GABRB1: variants seen among roughly 807,000 people sequenced by gnomAD.
The protein encoded by GABRB1 is gamma-aminobutyric acid receptor subunit beta-1.
In GABRB1, 17 loss-of-function variants were observed where a neutral mutation model predicts 51.6. The observed-to-expected ratio is 0.33, with a 90% CI of 0.23 to 0.49. The LOEUF (loss-of-function observed/expected upper bound fraction) is 0.49. Ranked by LOEUF, GABRB1 falls within the 20% of genes least tolerant of loss-of-function variation. The pLI is 0.99. For synonymous variants in GABRB1, 247 were observed against 218.9 expected (o/e 1.13, Z -1.14); for missense variants, 410 against 600.6 (o/e 0.68, Z 3.32).
At chr4:47,259,079 T>C (rs1369340248) in intron 4 of GABRB1, among the ~76,000 whole-genome samples, 1 of 152,110 alleles carries the variant, frequency 6.6e-6, no homozygotes, top group East Asian at 1.9e-4. Flanking sequence ...CCACCATTGA[T>C]GTGATCAATT....
At chr4:47,117,369 C>T (rs753972877) in intron 3 of GABRB1, among the ~76,000 whole-genome samples, 2 of 152,186 alleles carry the variant, frequency 1.3e-5, no homozygotes, top group Non-Finnish European at 2.9e-5. Flanking sequence ...TCTCTCTAAT[C>T]TGGATGCCTT....
At chr4:47,336,768 G>A (rs1432402189) in intron 5 of GABRB1, among the ~76,000 whole-genome samples, 1 of 152,176 alleles carries the variant, frequency 6.6e-6, no homozygotes, top group Non-Finnish European at 1.5e-5. Flanking sequence ...AAATGGAGTG[G>A]ATGGAAGCTA....
intron 4 of GABRB1, among the ~76,000 whole-genome samples, chr4:47,214,305 A>G (rs1455451883): frequency 1.3e-5 from 2 of 152,168 alleles, no homozygotes; most frequent in Non-Finnish European, 2.9e-5. Flanking sequence ...GTGCTCAATC[A>G]TTCCTCAGCC....
At chr4:47,333,267 T>A (rs1452052106) in intron 5 of GABRB1, among the ~76,000 whole-genome samples, 1 of 146,420 alleles carries the variant, frequency 6.8e-6, no homozygotes, top group Non-Finnish European at 1.5e-5. Context: ...ATGTGACCAA[T>A]AAACATTAAT....
intron 4 of GABRB1, among the ~76,000 whole-genome samples, chr4:47,286,873 A>G (rs1723530597): frequency 6.6e-6 from 1 of 152,228 alleles, no homozygotes; most frequent in African/African-American, 2.4e-5. Flanking sequence ...TTAATCATCA[A>G]TTGATAACTA....
chr4:47,181,071 T>A (rs1486091365), intron 4 of GABRB1, among the ~76,000 whole-genome samples: 2 of 152,130 alleles, frequency 1.3e-5, no homozygotes, highest in Admixed American at 1.3e-4. Flanking sequence ...AGATACTTTA[T>A]TAATTCTGGT....
At chr4:47,181,513 CCTGAGTT>C (rs1421512108) in intron 4 of GABRB1, among the ~76,000 whole-genome samples, 2 of 151,976 alleles carry the variant, frequency 1.3e-5, no homozygotes, top group Non-Finnish European at 2.9e-5. Context: ...GAGTTGGATG[CCTGAGTT>C]CTAATTCTCG....
intron 5 of GABRB1, among the ~76,000 whole-genome samples, chr4:47,343,616 G>C (rs1725982116): frequency 6.6e-6 from 1 of 152,130 alleles, no homozygotes; most frequent in Non-Finnish European, 1.5e-5. Context: ...CAGCTGTCCT[G>C]ATTGAGAGAA....
At chr4:47,281,837 A>G (rs546316660) in intron 4 of GABRB1, among the ~76,000 whole-genome samples, 7 of 152,214 alleles carry the variant, frequency 4.6e-5, no homozygotes, top group African/African-American at 7.2e-5. Flanking sequence ...TAAAAAATCA[A>G]TCTCATAGAG....
At chr4:47,217,010 A>G (rs1053481085) in intron 4 of GABRB1, among the ~76,000 whole-genome samples, 6 of 151,930 alleles carry the variant, frequency 3.9e-5, no homozygotes, top group Non-Finnish European at 8.8e-5. Context: ...ACAATACACT[A>G]TACTACTGAT....
intron 4 of GABRB1, among the ~76,000 whole-genome samples, chr4:47,317,457 A>C (rs73133964): frequency 0.068 from 10,310 of 152,060 alleles, 329 homozygotes; most frequent in Admixed American, 0.081. Context: ...GAGACTAAAA[A>C]AAAGAATGTT....
intron 4 of GABRB1, among the ~76,000 whole-genome samples, chr4:47,201,240 C>A (rs1293252314): frequency 6.6e-6 from 1 of 151,964 alleles, no homozygotes; most frequent in Non-Finnish European, 1.5e-5. Flanking sequence ...GGAATATACC[C>A]AACAGCATTT....
At chr4:47,089,172 C>T (rs1452785564) in intron 3 of GABRB1, among the ~76,000 whole-genome samples, 10 of 152,270 alleles carry the variant, frequency 6.6e-5, no homozygotes, top group Admixed American at 3.9e-4. Context: ...AAATGTTTTT[C>T]GTTTTGGGGA....
chr4:46,999,591 G>A (rs1724119153), intron 1 of GABRB1, among the ~76,000 whole-genome samples: 1 of 152,102 alleles, frequency 6.6e-6, no homozygotes, highest in African/African-American at 2.4e-5. Context: ...TATATCAGGA[G>A]TAAATGTATA....
At chr4:47,250,337 T>A (rs897245047) in intron 4 of GABRB1, among the ~76,000 whole-genome samples, 4 of 152,194 alleles carry the variant, frequency 2.6e-5, no homozygotes, top group Admixed American at 6.5e-5. Context: ...ATCTGATAGA[T>A]TTTCCTTTAT....
intron 3 of GABRB1, among the ~76,000 whole-genome samples, chr4:47,074,181 A>T (rs1727456412): frequency 6.6e-6 from 1 of 152,194 alleles, no homozygotes; most frequent in Non-Finnish European, 1.5e-5. Flanking sequence ...ATATAGAAAA[A>T]ACATCCCTAC....
chr4:47,146,703 T>G (rs1461367842), intron 3 of GABRB1, among the ~76,000 whole-genome samples: 1 of 152,090 alleles, frequency 6.6e-6, no homozygotes, highest in African/African-American at 2.4e-5. Flanking sequence ...CAGGTCAATC[T>G]ACTCATTTTG....
intron 4 of GABRB1, among the ~76,000 whole-genome samples, chr4:47,263,321 A>G (rs1722523014): frequency 6.6e-6 from 1 of 152,144 alleles, no homozygotes. Flanking sequence ...AAGGAGGATT[A>G]CCTTGAACTC....
chr4:47,047,630 T>C (rs1577857863), intron 3 of GABRB1, among the ~76,000 whole-genome samples: 1 of 152,258 alleles, frequency 6.6e-6, no homozygotes, highest in African/African-American at 2.4e-5. Context: ...TGGTTAATAC[T>C]AGAAATTGGG....
Sources: gnomAD v4.1 joint callset for allele counts (sites outside exome capture counted in the v4.1 genomes callset) on GRCh38, gnomAD v4.1.1 for gene constraint, MANE v1.5 for transcripts, NCBI Gene and HGNC (gene_info 2026-07-23, HGNC 2026-07-21) for gene names.